PARD3: variants seen among roughly 807,000 people sequenced by gnomAD.
PARD3 encodes the protein par-3 family cell polarity regulator, also known as partitioning defective 3 homolog.
PARD3 carries 75 observed loss-of-function variants against 155.4 expected under a neutral mutation model. The ratio of observed to expected loss-of-function variants is 0.48; its 90% CI spans 0.40 to 0.58. The LOEUF is 0.58. Ranked by LOEUF, PARD3 falls within the 20% of genes least tolerant of loss-of-function variation. PARD3 has a pLI of 0.00. For missense variants in PARD3, 1,642 were observed against 1,721.7 expected, an observed-to-expected ratio of 0.95 and a Z score of 0.82; for synonymous variants, 576 against 610.5, an observed-to-expected ratio of 0.94 and a Z score of 0.83.
At chr10:34,579,857 C>T (rs2087272892) in intron 2 of PARD3, among the ~76,000 whole-genome samples, 2 of 150,808 alleles carry the variant, frequency 1.3e-5, no homozygotes, top group African/African-American at 2.4e-5. Flanking sequence ...CCGCCTGCCT[C>T]GGCCTCCCAA....
At chr10:34,565,869 C>T (rs925065359) in intron 2 of PARD3, among the ~76,000 whole-genome samples, 7 of 152,148 alleles carry the variant, frequency 4.6e-5, no homozygotes, top group Admixed American at 1.3e-4. Flanking sequence ...ATAATTTGTT[C>T]CATTTTTCAA....
chr10:34,326,506 C>A (rs542849946), intron 19 of PARD3, among the ~76,000 whole-genome samples: 1 of 152,276 alleles, frequency 6.6e-6, no homozygotes, highest in African/African-American at 2.4e-5. Flanking sequence ...ATCCCAAATT[C>A]TTCCACAATA....
Position 34,749,982 on chromosome 10 carries a change from A to C in PARD3, c.121-53563T>G, listed in dbSNP as rs549511711. ...GGCTGCAATGAGCCAAGATGGCACC[A>C]CTGCACTCCAGCCTAGGCGACAGAA... On this transcript the variant is annotated intron_variant, in intron 1 of 24. Coordinates refer to ENST00000374788, the MANE Select transcript of PARD3 (RefSeq NM_001184785.2). Among the ~76,000 whole-genome samples the C allele has an allele frequency of 2.9e-3, 443 of 151,894 alleles. 1 individual carries two copies. The highest frequency in any genetic ancestry group is 4.8e-3 in the Non-Finnish European group (323 of 67,976).
chr10:34,117,661 C>G (rs901808234), intron 24 of PARD3, among the ~76,000 whole-genome samples: 19 of 152,308 alleles, frequency 1.2e-4, no homozygotes, highest in African/African-American at 4.3e-4. Flanking sequence ...CCTGTAATCC[C>G]AGCACTTTGG....
At chr10:34,593,308 T>C (rs2088900309) in intron 2 of PARD3, among the ~76,000 whole-genome samples, 2 of 152,212 alleles carry the variant, frequency 1.3e-5, no homozygotes, top group South Asian at 4.1e-4. Flanking sequence ...TACATATATA[T>C]GCATATACAT....
intron 5 of PARD3, among the ~76,000 whole-genome samples, chr10:34,413,342 A>C (rs1845313898): frequency 6.6e-6 from 1 of 152,166 alleles, no homozygotes. Flanking sequence ...ACAGTCACAC[A>C]AAGACAAAGA....
At chr10:34,423,363 A>C (rs1279745974) in intron 5 of PARD3, among the ~76,000 whole-genome samples, 2 of 152,122 alleles carry the variant, frequency 1.3e-5, no homozygotes, top group East Asian at 3.9e-4. Context: ...CAAAATTTCC[A>C]TTAGGAGGAA....
intron 1 of PARD3, among the ~76,000 whole-genome samples, chr10:34,762,605 A>G (rs1158216656): frequency 6.6e-6 from 1 of 151,498 alleles, no homozygotes; most frequent in Non-Finnish European, 1.5e-5. Flanking sequence ...CACTGCACCC[A>G]GCCAAAAGTT....
At chr10:34,658,457 A>C (rs551016055) in intron 2 of PARD3, among the ~76,000 whole-genome samples, 5 of 152,250 alleles carry the variant, frequency 3.3e-5, no homozygotes, top group Admixed American at 3.3e-4. Flanking sequence ...TTCGGTTATG[A>C]GAACCTGAAG....
chr10:34,668,551 G>A (rs980362736), intron 2 of PARD3, among the ~76,000 whole-genome samples: 1 of 152,094 alleles, frequency 6.6e-6, no homozygotes, highest in Non-Finnish European at 1.5e-5. Context: ...TCCAAACCTG[G>A]CTCTATAGCA....
intron 2 of PARD3, among the ~76,000 whole-genome samples, chr10:34,634,777 C>T (rs951066861): frequency 2.6e-5 from 4 of 152,182 alleles, no homozygotes; most frequent in African/African-American, 9.7e-5. Context: ...CTGCAAAGTA[C>T]CATTTCCAGA....
At chr10:34,527,757 G>T (rs1203457292) in intron 2 of PARD3, among the ~76,000 whole-genome samples, 1 of 152,140 alleles carries the variant, frequency 6.6e-6, no homozygotes, top group East Asian at 1.9e-4. Flanking sequence ...TAATATTACA[G>T]TACAAAATGA....
intron 1 of PARD3, among the ~76,000 whole-genome samples, chr10:34,760,274 G>A (rs147110458): frequency 0.014 from 2,068 of 152,120 alleles, 55 homozygotes; most frequent in African/African-American, 0.046. Flanking sequence ...CTCCCACCTT[G>A]GCCTCCAAAA....
chr10:34,347,856 TTACATTAATATTACACTAATAG>T (rs1837594373), intron 15 of PARD3, 87 bp downstream of exon 15: 3 of 732,012 alleles, frequency 4.1e-6, no homozygotes, highest in Non-Finnish European at 5.9e-6. Flanking sequence ...ATATTTTTAT[TTACATTAATATTACACTAATAG>T]TACATTAATA....
In PARD3 at chr10:34,605,641, CTA is replaced by C. The variant is rs1160927053; in HGVS notation, c.223-88484_223-88483del. On this transcript the variant is annotated intron_variant, in intron 2 of 24. Coordinates refer to ENST00000374788, the MANE Select transcript of PARD3 (RefSeq NM_001184785.2). ...TATATCTCCTATATATATATATCTC[CTA>C]TATATATATATCTCCTATATATATA... Among the ~76,000 whole-genome samples, 56 of 35,528 alleles carry C rather than the reference CTA, an allele frequency of 1.6e-3. 1 individual carries two copies. Among genetic ancestry groups the C allele is most frequent in the African/African-American group, 3.0e-3 (18 of 5,986 alleles). 23.3% of individuals were successfully genotyped at this position (35,528 alleles called of 152,430 possible).
chr10:34,261,781 A>AAAAGAAAGAAAGAAAAGAAAGAAAGAAAG (rs1955005909), intron 22 of PARD3, among the ~76,000 whole-genome samples: 4 of 131,966 alleles, frequency 3.0e-5, no homozygotes, highest in Non-Finnish European at 6.3e-5. Flanking sequence ...AGAAAGAAAG[A>AAAAGAAAGAAAGAAAAGAAAGAAAGAAAG]AAAGAAAGAA....
intron 20 of PARD3, among the ~76,000 whole-genome samples, chr10:34,315,487 T>C (rs1957953681): frequency 6.6e-6 from 1 of 152,188 alleles, no homozygotes; most frequent in Non-Finnish European, 1.5e-5. Context: ...CAGTAAGACG[T>C]CAGGAGAGCC....
intron 2 of PARD3, among the ~76,000 whole-genome samples, chr10:34,558,092 C>T (rs553358655): frequency 2.2e-4 from 34 of 152,270 alleles, no homozygotes; most frequent in African/African-American, 7.0e-4. Flanking sequence ...GCTCCCCACA[C>T]TCCTCTACAG....
chr10:34,547,322 T>G (rs992277742), intron 2 of PARD3, among the ~76,000 whole-genome samples: 1 of 152,250 alleles, frequency 6.6e-6, no homozygotes, highest in Admixed American at 6.5e-5. Context: ...CAAAATCACA[T>G]GCATAGCATT....
Sources: allele counts gnomAD v4.1 joint callset (sites outside exome capture counted in the v4.1 genomes callset), GRCh38; gene constraint gnomAD v4.1.1; transcripts MANE v1.5; gene names NCBI Gene and HGNC (gene_info 2026-07-23, HGNC 2026-07-21).